CHL1: variants seen among roughly 807,000 people sequenced by gnomAD.
CHL1 encodes cell adhesion molecule L1 like.
CHL1 carries 96 observed loss-of-function variants against 141.9 expected under a neutral mutation model. The ratio of observed to expected loss-of-function variants is 0.68; its 90% CI spans 0.57 to 0.80. The LOEUF is 0.80. Among genes scored for constraint, CHL1 ranks in the 30% least tolerant of loss-of-function variants. The pLI is 0.00. For synonymous variants in CHL1, 613 were observed against 502.2 expected, an observed-to-expected ratio of 1.22 and a Z score of -2.95; for missense variants, 1,820 against 1,457.2, an observed-to-expected ratio of 1.25 and a Z score of -4.05.
rs545683613 is a variant in CHL1 at position 364,830 on chromosome 3, G to A, written c.1586-1120G>A. On this transcript the variant is annotated intron_variant, in intron 14 of 27. Transcript: ENST00000256509. ...AGCCTTAAATTATTTTCTCTGTAAG[G>A]TGGGAGTATTAATATTCATAAAGTT... Among the ~76,000 whole-genome samples, 16 of 152,230 alleles carry A rather than the reference G, an allele frequency of 1.1e-4. 1 individual carries two copies. The highest frequency in any genetic ancestry group is 3.9e-4 in the African/African-American group (16 of 41,540).
At chr3:403,694 G>A (rs1709320294) in intron 27 of CHL1, among the ~76,000 whole-genome samples, 1 of 152,106 alleles carries the variant, frequency 6.6e-6, no homozygotes, top group South Asian at 2.1e-4. Context: ...TATAAAGATA[G>A]CTAACATCTT....
chr3:283,690 G>T (rs1462684496), intron 2 of CHL1, among the ~76,000 whole-genome samples: 1 of 152,046 alleles, frequency 6.6e-6, no homozygotes, highest in Non-Finnish European at 1.5e-5. Flanking sequence ...TCATTGTGTG[G>T]GTAACTACCC....
At chr3:275,783 A>G (rs1696039902) in intron 2 of CHL1, among the ~76,000 whole-genome samples, 1 of 152,202 alleles carries the variant, frequency 6.6e-6, no homozygotes. Flanking sequence ...GTTCTAAAGA[A>G]TAGATCTCAG....
intron 1 of CHL1, among the ~76,000 whole-genome samples, chr3:202,427 G>A (rs1271287010): frequency 2.0e-5 from 3 of 152,188 alleles, no homozygotes; most frequent in African/African-American, 7.2e-5. Flanking sequence ...TACCAATAAT[G>A]ATTGCTTCAC....
At chr3:258,172 C>T (rs946012711) in intron 2 of CHL1, among the ~76,000 whole-genome samples, 4 of 152,204 alleles carry the variant, frequency 2.6e-5, no homozygotes. Flanking sequence ...GGCTGTCTGT[C>T]CAGGCAGAAG....
intron 2 of CHL1, among the ~76,000 whole-genome samples, chr3:256,592 T>C (rs747284911): frequency 9.2e-5 from 14 of 152,186 alleles, no homozygotes; most frequent in Non-Finnish European, 1.8e-4. Context: ...TGCTGCTACA[T>C]GTTCTGCAAC....
At position 401,623 on chromosome 3, in the gene CHL1, T is replaced by C; in HGVS notation, c.3386-3T>C. On this transcript the variant is annotated splice_polypyrimidine_tract_variant and splice_region_variant and intron_variant, in intron 26 of 27. Coordinates refer to ENST00000256509, the MANE Select transcript of CHL1 (RefSeq NM_006614.4). The stretch of plus-strand genomic sequence containing the variant: ...CTTTTCCCACTTTTTTTCTCTTTTT[T>C]AGTTAAAGAAAAGGAAGATTTGCAT... The C allele has an allele frequency of 1.9e-6, 3 of 1,568,952 alleles. No homozygotes were observed. Among genetic ancestry groups the C allele is most frequent in the Non-Finnish European group, 1.7e-6 (2 of 1,148,772 alleles).
intron 15 of CHL1, among the ~76,000 whole-genome samples, chr3:367,728 G>C (rs1239829893): frequency 2.6e-5 from 4 of 152,006 alleles, no homozygotes; most frequent in Non-Finnish European, 5.9e-5. Flanking sequence ...TTGTTACATA[G>C]GTATACATGT....
chr3:261,785 T>G (rs1406310253), intron 2 of CHL1, among the ~76,000 whole-genome samples: 1 of 152,112 alleles, frequency 6.6e-6, no homozygotes, highest in Non-Finnish European at 1.5e-5. Context: ...AAAAAGATAA[T>G]AATTGGGAAG....
intron 2 of CHL1, among the ~76,000 whole-genome samples, chr3:286,550 G>GC (rs1697166104): frequency 6.7e-6 from 1 of 149,390 alleles, no homozygotes; most frequent in African/African-American, 2.5e-5. Context: ...GGCGTAGGTT[G>GC]CAGTGAGCCG....
intron 1 of CHL1, among the ~76,000 whole-genome samples, chr3:225,645 A>G (rs1574765383): frequency 6.6e-6 from 1 of 152,060 alleles, no homozygotes; most frequent in Admixed American, 6.6e-5. Context: ...CACACACAAA[A>G]CCACCACTGT....
At chr3:324,530 A>T (rs1038775536) in intron 3 of CHL1, among the ~76,000 whole-genome samples, 3 of 152,006 alleles carry the variant, frequency 2.0e-5, no homozygotes, top group African/African-American at 7.2e-5. Context: ...AGCATTAGTA[A>T]ATTTATTTTA....
At chr3:239,000 G>A (rs1329262104) in intron 1 of CHL1, among the ~76,000 whole-genome samples, 1 of 151,442 alleles carries the variant, frequency 6.6e-6, no homozygotes, top group Non-Finnish European at 1.5e-5. Context: ...GCATGTAGCT[G>A]CTCACACATG....
At chr3:230,437 T>C (rs1701761505) in intron 1 of CHL1, among the ~76,000 whole-genome samples, 1 of 152,110 alleles carries the variant, frequency 6.6e-6, no homozygotes, top group South Asian at 2.1e-4. Context: ...TTCTTTCTAG[T>C]GAAAGACTGA....
At chr3:357,543 C>G (rs1041245023) in intron 11 of CHL1, among the ~76,000 whole-genome samples, 2 of 152,090 alleles carry the variant, frequency 1.3e-5, no homozygotes, top group Non-Finnish European at 2.9e-5. Context: ...AGGAACTAAA[C>G]CCAGGAAGGA....
intron 1 of CHL1, chr3:197,664 C>CG (rs111462933): frequency 0.14 from 53,267 of 369,474 alleles, 4,629 homozygotes; most frequent in African/African-American, 0.29. Context: ...CAGCCTGGAG[C>CG]GGGGAATCCA....
rs192633868 is a variant in CHL1 at position 238,797 on chromosome 3, G to T, written c.-174-5816G>T. ...AAAAAAAAAAAAATAGCTGGATGTG[G>T]TGGCGGGTGTCTGTAATCCCAGCTA... is the stretch of plus-strand genomic sequence containing the variant. On this transcript the variant is annotated intron_variant, in intron 1 of 27. Transcript: ENST00000256509. 1.9e-3 allele frequency among the ~76,000 whole-genome samples: 282 copies of T among 151,790 alleles called. 3 individuals are homozygous for T. Among genetic ancestry groups the T allele is most frequent in the African/African-American group, 6.4e-3 (266 of 41,356 alleles).
intron 2 of CHL1, among the ~76,000 whole-genome samples, chr3:264,858 C>G (rs538743491): frequency 5.9e-5 from 9 of 152,326 alleles, no homozygotes; most frequent in Non-Finnish European, 1.2e-4. Context: ...TGTAAACATT[C>G]CTTTCCAGTC....
At position 349,469 on chromosome 3, in the gene CHL1, A is replaced by T; in HGVS notation, c.959A>T (p.Asp320Val). The change falls in exon 10 of 28, where the codon GAC (aspartate) becomes GTC (valine). Residue 320 changes from aspartate to valine, a missense_variant. By Grantham distance (152) the Asp-to-Val change is radical (BLOSUM62 -3). Coordinates refer to ENST00000256509, the MANE Select transcript of CHL1 (RefSeq NM_006614.4). ...TLKIENVSYQ[D>V]KGNYRCTASN... The stretch of plus-strand genomic sequence containing the variant: ...AAGATAGAGAATGTCTCCTACCAGG[A>T]CAAAGGAAATTATCGCTGCACAGCC... 2 of 1,614,106 alleles carry T rather than the reference A, an allele frequency of 1.2e-6. No homozygotes were observed. Among genetic ancestry groups the T allele is most frequent in the East Asian group, 4.5e-5 (2 of 44,884 alleles).
Sources: gnomAD v4.1 joint callset for allele counts (sites outside exome capture counted in the v4.1 genomes callset) on GRCh38, gnomAD v4.1.1 for gene constraint, MANE v1.5 for transcripts, NCBI Gene and HGNC (gene_info 2026-07-23, HGNC 2026-07-21) for gene names.